The following SCAPER variants were observed in gnomAD, a reference collection of about 807,000 sequenced individuals.
The protein encoded by SCAPER is S-phase cyclin A associated protein in the ER.
A neutral mutation model predicts 182.2 loss-of-function variants in SCAPER; 98 were observed. That is an observed-to-expected ratio of 0.54 (90% CI 0.46 to 0.64). The LOEUF is 0.64. SCAPER is among the 30% of genes least tolerant of loss of function. The pLI, the probability that SCAPER is intolerant of heterozygous loss-of-function variation, is 0.00. For synonymous variants in SCAPER, 605 were observed against 564.6 expected, an observed-to-expected ratio of 1.07 and a Z score of -1.01; for missense variants, 1,432 against 1,690.0, an observed-to-expected ratio of 0.85 and a Z score of 2.68.
chr15:76,716,712 A>G (rs1476590947), intron 17 of SCAPER, among the ~76,000 whole-genome samples: 3 of 151,970 alleles, frequency 2.0e-5, no homozygotes, highest in African/African-American at 7.2e-5. Flanking sequence ...AGCAGAAGAA[A>G]GAACCTTGAA....
chr15:76,533,427 C>T (rs892965705), intron 23 of SCAPER, among the ~76,000 whole-genome samples: 5 of 152,086 alleles, frequency 3.3e-5, no homozygotes, highest in East Asian at 1.9e-4. Context: ...CTGTAGTATT[C>T]AGCATAGTAT....
At chr15:76,882,487 AAAAAG>A (rs2073612764) in intron 2 of SCAPER, among the ~76,000 whole-genome samples, 1 of 152,192 alleles carries the variant, frequency 6.6e-6, no homozygotes, top group African/African-American at 2.4e-5. Flanking sequence ...CAGATTAAAA[AAAAAG>A]AAATCTTCTG....
intron 23 of SCAPER, among the ~76,000 whole-genome samples, chr15:76,517,353 T>C (rs1380970973): frequency 7.4e-6 from 1 of 134,816 alleles, no homozygotes; most frequent in Non-Finnish European, 1.6e-5. Flanking sequence ...TATTAACATC[T>C]TTTTTTTTTT....
intron 25 of SCAPER, among the ~76,000 whole-genome samples, chr15:76,445,124 T>A (rs2047905768): frequency 6.6e-6 from 1 of 152,210 alleles, no homozygotes; most frequent in African/African-American, 2.4e-5. Context: ...TACCCTATTC[T>A]CACCTTTTCT....
At chr15:76,433,623 A>T (rs1343259220) in intron 26 of SCAPER, among the ~76,000 whole-genome samples, 1 of 152,078 alleles carries the variant, frequency 6.6e-6, no homozygotes, top group Non-Finnish European at 1.5e-5. Flanking sequence ...ATTTTTCCCT[A>T]TATGTTGAAT....
intron 25 of SCAPER, among the ~76,000 whole-genome samples, chr15:76,459,187 T>C (rs2048965883): frequency 6.6e-6 from 1 of 152,224 alleles, no homozygotes; most frequent in Non-Finnish European, 1.5e-5. Context: ...CCACTGTGCC[T>C]GGCTGAATTA....
chr15:76,536,993 A>G (rs1205795140), intron 23 of SCAPER, among the ~76,000 whole-genome samples: 1 of 152,174 alleles, frequency 6.6e-6, no homozygotes, highest in Non-Finnish European at 1.5e-5. Context: ...TAAAATACTT[A>G]GGAATCCAAC....
chr15:76,471,195 G>T lies in SCAPER; in HGVS notation c.3078+17C>A. On this transcript the variant is annotated intron_variant, in intron 25 of 31. Transcript: ENST00000563290. ...AAACCTTAACTGCTTCTAACTCAAA[G>T]CAATAATATTACATACCGTCAACTG... 6.3e-7 allele frequency: 1 copy of T among 1,575,930 alleles called. No individual in the cohort carries two copies. The highest frequency in any genetic ancestry group is 8.6e-7 in the Non-Finnish European group (1 of 1,162,606).
intron 7 of SCAPER, among the ~76,000 whole-genome samples, chr15:76,798,645 A>G (rs1047955167): frequency 6.6e-6 from 1 of 152,150 alleles, no homozygotes; most frequent in South Asian, 2.1e-4. Flanking sequence ...AAGACAGACA[A>G]TCTTGAAAGA....
chr15:76,650,063 G>A (rs1297997073), intron 21 of SCAPER, among the ~76,000 whole-genome samples: 1 of 152,124 alleles, frequency 6.6e-6, no homozygotes, highest in African/African-American at 2.4e-5. Context: ...CAGAGGAAAG[G>A]AAGATGGACG....
intron 17 of SCAPER, among the ~76,000 whole-genome samples, chr15:76,712,075 G>A (rs1340685011): frequency 1.3e-5 from 2 of 152,108 alleles, no homozygotes; most frequent in Non-Finnish European, 2.9e-5. Context: ...TTTTAGGTCT[G>A]ATATTTAAGT....
chr15:76,553,611 G>T (rs1192334403), intron 23 of SCAPER, among the ~76,000 whole-genome samples: 5 of 151,998 alleles, frequency 3.3e-5, no homozygotes. Context: ...GAATACCTAG[G>T]CCCCTCCAGC....
chr15:76,780,897 A>G (rs1292207815), intron 8 of SCAPER, among the ~76,000 whole-genome samples: 1 of 152,206 alleles, frequency 6.6e-6, no homozygotes. Flanking sequence ...AACATCAAGG[A>G]TCAAAGGTAG....
intron 17 of SCAPER, among the ~76,000 whole-genome samples, chr15:76,713,205 G>A (rs575547069): frequency 3.9e-4 from 60 of 152,188 alleles, no homozygotes; most frequent in African/African-American, 1.3e-3. Flanking sequence ...TTCAACCATT[G>A]TGGAAGTCAG....
At position 76,905,303 on chromosome 15, in the gene SCAPER, G is replaced by T. The variant is rs192643573; in HGVS notation, c.-64C>A. On this transcript the variant is annotated 5_prime_UTR_variant, in exon 1 of 32. Coordinates refer to ENST00000563290, the MANE Select transcript of SCAPER (RefSeq NM_020843.4). ...ACGCCCCTCGCGGACACTCACCCCCGACCGCCCTGCTTAGTTCGGGGCGGC... is the reference window on the plus strand; with the variant it reads ...ACGCCCCTCGCGGACACTCACCCCCTACCGCCCTGCTTAGTTCGGGGCGGC... 7.4e-6 allele frequency: 2 copies of T among 271,494 alleles called. No individual in the cohort carries two copies. The highest frequency in any genetic ancestry group is 2.3e-5 in the African/African-American group (1 of 43,102). The allele number at this position is 271,494 out of a possible 1,614,324, so 16.8% of individuals were successfully genotyped here. A position where few individuals can be genotyped will look rare whatever the true frequency, so the allele number is the denominator to read the frequency against.
At chr15:76,371,744 C>T (rs976189393) in intron 29 of SCAPER, among the ~76,000 whole-genome samples, 2 of 151,522 alleles carry the variant, frequency 1.3e-5, no homozygotes, top group Admixed American at 6.6e-5. Context: ...CATGGAGAAA[C>T]CCCGTGTCTA....
chr15:76,817,545 A>C (rs1246581293), intron 5 of SCAPER, among the ~76,000 whole-genome samples: 1 of 152,204 alleles, frequency 6.6e-6, no homozygotes, highest in Admixed American at 6.5e-5. Context: ...TATACTAAAA[A>C]TTCACTAAAA....
chr15:76,376,145 T>C lies in SCAPER; in HGVS notation c.3855+17A>G, dbSNP rs757336864. ...GCACTGGGGGAGCAGTCTAAGGAAC[T>C]TTCCAGGGCCTCTTACCTGGTTATC... On this transcript the variant is annotated intron_variant, in intron 29 of 31. Transcript: ENST00000563290. 3 of 1,613,448 alleles carry C rather than the reference T, an allele frequency of 1.9e-6. No individual in the cohort carries two copies. The highest frequency in any genetic ancestry group is 1.1e-5 in the South Asian group (1 of 90,990).
At chr15:76,873,336 AGGC>A (rs1568382514) in intron 2 of SCAPER, among the ~76,000 whole-genome samples, 2,351 of 59,048 alleles carry the variant, frequency 0.04, 23 homozygotes, top group Admixed American at 0.069. Context: ...GAAGGAAGGC[AGGC>A]AGGCAGGCAG....
Sources: gnomAD v4.1 joint callset for allele counts (sites outside exome capture counted in the v4.1 genomes callset) on GRCh38, gnomAD v4.1.1 for gene constraint, MANE v1.5 for transcripts, NCBI Gene and HGNC (gene_info 2026-07-23, HGNC 2026-07-21) for gene names.